Variants in RTN2 observed in about 807,000 individuals in gnomAD.
RTN2 encodes reticulon 2, also known as reticulon-2.
A neutral mutation model predicts 63.7 loss-of-function variants in RTN2; 36 were observed. That is an observed-to-expected ratio of 0.56 (90% confidence interval 0.43 to 0.75). RTN2 has a LOEUF of 0.75. RTN2 is among the 30% of genes least tolerant of loss of function. The pLI, the probability that RTN2 is intolerant of heterozygous loss-of-function variation, is 0.00. For synonymous variants in RTN2, 312 were observed against 313.0 expected (o/e 1.00, Z 0.03); for missense variants, 673 against 705.1 (o/e 0.95, Z 0.52).
chr19:45,490,535 CTGTGTGTGTGTGTGTGTGTG>C (rs56279132), intron 5 of RTN2, among the ~76,000 whole-genome samples: 2 of 145,766 alleles, frequency 1.4e-5, no homozygotes, highest in African/African-American at 5.1e-5. Flanking sequence ...GGTTGTGTGT[CTGTGTGTGTGTGTGTGTGTG>C]TGTGTGTGTG....
chr19:45,490,232 C>G (rs1968124386), intron 5 of RTN2, among the ~76,000 whole-genome samples: 2 of 151,922 alleles, frequency 1.3e-5, no homozygotes, highest in African/African-American at 4.8e-5. Context: ...GAACTCCTGA[C>G]CTCGTGGTCC....
intron 5 of RTN2, among the ~76,000 whole-genome samples, chr19:45,490,539 G>GGT (rs1340610922): frequency 9.0e-6 from 1 of 111,444 alleles, no homozygotes; most frequent in Non-Finnish European, 2.1e-5. Context: ...GTGTGTCTGT[G>GGT]TGTGTGTGTG....
intron 1 of RTN2, 55 bp from the exon 2 acceptor site, chr19:45,495,194 G>C: frequency 1.3e-6 from 2 of 1,591,148 alleles, no homozygotes; most frequent in South Asian, 2.2e-5. Flanking sequence ...CCGAATCACA[G>C]AAGTGTCCCA....
At chr19:45,496,622 C>G in intron 1 of RTN2, 170 bp downstream of exon 1, 1 of 413,818 alleles carries the variant, frequency 2.4e-6, no homozygotes. Flanking sequence ...TCCTCCGGGT[C>G]AGGCTACCCC....
At chr19:45,496,559 G>GC (rs1016758410) in intron 1 of RTN2, 4 of 366,664 alleles carry the variant, frequency 1.1e-5, no homozygotes, top group South Asian at 1.2e-4. Flanking sequence ...AGCGCAGCGC[G>GC]CCCCCCGCCT....
intron 6 of RTN2, 125 bp from the exon 7 acceptor site, chr19:45,489,111 T>C: frequency 9.0e-7 from 1 of 1,112,310 alleles, no homozygotes; most frequent in East Asian, 2.6e-5. Context: ...GAGGGGCAGC[T>C]CAGAGGAATC....
Position 45,486,024 on chromosome 19 carries a change from C to T in RTN2, c.1556+31G>A, listed in dbSNP as rs759626847. ...AGGTTCCCAAGCTCCCCCACTTCCC[C>T]CTCCCATCGACCTCCGCCCCATGCT... On this transcript the variant is annotated intron_variant, in intron 10 of 10. Transcript: ENST00000245923. The T allele has an allele frequency of 1.1e-5, 18 of 1,608,192 alleles. No homozygotes were observed. In the South Asian group the frequency reaches 2.0e-4, roughly 18 times the overall value.
chr19:45,490,353 T>C (rs1162673056), intron 5 of RTN2, among the ~76,000 whole-genome samples: 2 of 152,198 alleles, frequency 1.3e-5, no homozygotes, highest in Non-Finnish European at 2.9e-5. Flanking sequence ...GCTGTGCTCC[T>C]GTGCTCTCAT....
rs141012670 is a variant in RTN2, at chr19:45,493,264, G to T, written c.929C>A (p.Pro310His). Reference protein sequence around the residue: ...WTAIGWVQRGPTPPTPVLRVL... With the variant: ...WTAIGWVQRGHTPPTPVLRVL... ...CCGGAGGACAGGAGTAGGGGGGGTG[G>T]GGCCCCTTTGGACCCAGCCAATGGC... Residue 310 changes from proline to histidine, a missense_variant, in exon 5 of 11, where the codon CCC becomes CAC. Physicochemically the swap from Pro to His is moderately conservative, Grantham distance 77. Coordinates refer to ENST00000245923, the MANE Select transcript of RTN2 (RefSeq NM_005619.5). 603 of 1,613,582 alleles carry T rather than the reference G, an allele frequency of 3.7e-4. 1 individual carries two copies. In the African/African-American group the frequency reaches 7.5e-3, roughly 20 times the overall value.
chr19:45,486,308 T>C (rs1259731624), intron 9 of RTN2, among the ~76,000 whole-genome samples, 195 bp from the exon 10 acceptor site: 2 of 152,170 alleles, frequency 1.3e-5, no homozygotes, highest in Non-Finnish European at 2.9e-5. Context: ...AGTTGGGCCA[T>C]ACTCTGTATG....
At chr19:45,490,535 C>CTGTGTGTGTGTGTGTGTGTG (rs56279132) in intron 5 of RTN2, among the ~76,000 whole-genome samples, 12 of 145,864 alleles carry the variant, frequency 8.2e-5, no homozygotes, top group South Asian at 2.2e-4. Flanking sequence ...GGTTGTGTGT[C>CTGTGTGTGTGTGTGTGTGTG]TGTGTGTGTG....
chr19:45,489,695 T>TTTTTGG (rs1968111836), intron 5 of RTN2, 142 bp from the exon 6 acceptor site: 1 of 614,344 alleles, frequency 1.6e-6, no homozygotes, highest in African/African-American at 1.9e-5. Context: ...TTTTTTTTTT[T>TTTTTGG]GAGAGACAGG....
At position 45,494,808 on chromosome 19, in the gene RTN2, C is replaced by T; in HGVS notation, c.277G>A (p.Val93Ile). ...ARRPRPQGRSVSEPRDQHPQP... is the reference protein window; with the variant it reads ...ARRPRPQGRSISEPRDQHPQP... ...GGGTGCTGGTCTCGTGGTTCCGAGA[C>T]TGAGCGGCCCTGGGGGCGGGGGCGG... is the stretch of plus-strand genomic sequence containing the variant. The change falls in exon 3 of 11, where the codon GTC becomes ATC. Residue 93 changes from valine (V) to isoleucine (I), a missense_variant. By Grantham distance (29) the Val-to-Ile change is conservative. Transcript: ENST00000245923. This position sits in a 1 kb window ranked among gnomAD's most constrained non-coding sequence, Gnocchi z 5.3. 5 of 1,603,908 alleles carry T rather than the reference C, an allele frequency of 3.1e-6. No homozygotes were observed. The highest frequency in any genetic ancestry group is 4.2e-6 in the Non-Finnish European group (5 of 1,179,842).
chr19:45,496,345 T>C lies in RTN2; in HGVS notation c.34+447A>G, dbSNP rs73942907. 8.8e-3 allele frequency among the ~76,000 whole-genome samples: 1,347 copies of C among 152,270 alleles called. 21 individuals carry two copies. The highest frequency in any genetic ancestry group is 0.03 in the African/African-American group (1,236 of 41,558). On this transcript the variant is annotated intron_variant, in intron 1 of 10. Coordinates refer to ENST00000245923, the MANE Select transcript of RTN2 (RefSeq NM_005619.5). The stretch of plus-strand genomic sequence containing the variant: ...GTTTTCCCGGGACAGGGTTGGACAG[T>C]TTGGGCGAGGTCGGGGCTGCCTCTT...
chr19:45,488,173 A>G (rs1968068741), intron 9 of RTN2, among the ~76,000 whole-genome samples: 1 of 152,042 alleles, frequency 6.6e-6, no homozygotes, highest in South Asian at 2.1e-4. Context: ...GACTTGCTTG[A>G]GCCCAGGAAA....
At position 45,494,434 on chromosome 19, in the gene RTN2, G is replaced by C. The variant is rs541422215; in HGVS notation, c.560-14C>G. ...GTAGGTCCAGTTCTGATACGGTAGA[G>C]AGAGGAGGCCGTGAGCTTTCTTCTT... On this transcript the variant is annotated splice_polypyrimidine_tract_variant and intron_variant, in intron 3 of 10. Transcript: ENST00000245923. The surrounding 1 kb of genome is among the most constrained non-coding windows in gnomAD (Gnocchi z 5.3). The C allele has an allele frequency of 9.3e-6, 15 of 1,607,524 alleles. No homozygotes were observed. The South Asian group carries it at 1.3e-4, about 14-fold the overall frequency.
At position 45,494,956 on chromosome 19, in the gene RTN2, G is replaced by A; in HGVS notation, c.129C>T (p.Phe43=). ...DFRELHTARE[F]SEEDEEETTS... ...TGGTCTCCTCCTCGTCCTCCTCTGA[G>A]AATTCCCGGGCTGTGTGCAGCTCTC... The change falls in exon 3 of 11, where the codon TTC becomes TTT. Residue 43 remains phenylalanine, a synonymous_variant. Coordinates refer to ENST00000245923, the MANE Select transcript of RTN2 (RefSeq NM_005619.5). The surrounding 1 kb of genome is among the most constrained non-coding windows in gnomAD (Gnocchi z 5.3). 2 of 1,613,922 alleles carry A rather than the reference G, an allele frequency of 1.2e-6. No homozygotes were observed. Among genetic ancestry groups the A allele is most frequent in the Non-Finnish European group, 1.7e-6 (2 of 1,179,928 alleles).
At position 45,489,535 on chromosome 19, in the gene RTN2, C is replaced by A; in HGVS notation, c.1052G>T (p.Trp351Leu). ...CACTCCTGACGTCCTCGTGTCCTTC[C>A]AGTACAGCAGGTCCGCCACTGTGGA... ...MGSKVADLLYWKDTRTSGVVF... is the reference protein window; with the variant it reads ...MGSKVADLLYLKDTRTSGVVF... The change falls in exon 6 of 11, where the codon TGG (tryptophan) becomes TTG (leucine). Residue 351 changes from tryptophan (W) to leucine (L), a missense_variant. Coordinates refer to ENST00000245923, the MANE Select transcript of RTN2 (RefSeq NM_005619.5). The A allele has an allele frequency of 6.2e-7, 1 of 1,603,608 alleles. No individual in the cohort carries two copies. Among genetic ancestry groups the A allele is most frequent in the East Asian group, 2.3e-5 (1 of 44,262 alleles).
intron 5 of RTN2, 39 bp from the exon 6 acceptor site, chr19:45,489,592 C>G (rs1968108957): frequency 6.9e-7 from 1 of 1,451,954 alleles, no homozygotes; most frequent in Non-Finnish European, 9.5e-7. Flanking sequence ...TGTACCTGAC[C>G]TGGCTGGTCT....
Sources: gnomAD v4.1 joint callset for allele counts (sites outside exome capture counted in the v4.1 genomes callset) on GRCh38, gnomAD v4.1.1 for gene constraint, Gnocchi (gnomAD v3.1) non-coding constraint, MANE v1.5 for transcripts, NCBI Gene and HGNC (gene_info 2026-07-23, HGNC 2026-07-21) for gene names.